Variants in FHL2 observed in about 807,000 individuals in gnomAD.
FHL2 encodes four and a half LIM domains protein 2.
Under a neutral mutation model 32.7 loss-of-function variants are expected in FHL2, and 20 were observed. The observed-to-expected ratio is 0.61, with a 90% CI of 0.43 to 0.89. The LOEUF (loss-of-function observed/expected upper bound fraction) is 0.89. Among genes scored for constraint, FHL2 ranks in the 40% least tolerant of loss-of-function variants. The probability of loss-of-function intolerance (pLI) is 0.00; values close to 1 mark genes in which losing one functional copy is unlikely to be tolerated. For missense variants in FHL2, 311 were observed against 358.6 expected (o/e 0.87, Z 1.07); for synonymous variants, 123 against 128.1 (o/e 0.96, Z 0.27).
chr2:105,365,936 G>T (rs1410286111), intron 5 of FHL2, among the ~76,000 whole-genome samples: 2 of 152,178 alleles, frequency 1.3e-5, no homozygotes, highest in Non-Finnish European at 2.9e-5. Context: ...CAGGCATGGT[G>T]GCTCACGCCT....
rs558807352 is a variant in FHL2 at position 105,419,479 on chromosome 2, T to C, written c.-25+18920A>G. On this transcript the variant is annotated intron_variant, in intron 1 of 5. Coordinates refer to the FHL2 transcript ENST00000393352. ...AAAGGAGGACATAAATTTCCCTTTG[T>C]GAAGGTGTTTCTCCTCCCATCTTCC... is the stretch of plus-strand genomic sequence containing the variant. 2.5e-4 allele frequency among the ~76,000 whole-genome samples: 38 copies of C among 152,344 alleles called. 1 individual carries two copies. Among genetic ancestry groups the C allele is most frequent in the African/African-American group, 8.9e-4 (37 of 41,578 alleles).
intron 1 of FHL2, among the ~76,000 whole-genome samples, chr2:105,404,928 G>A (rs769611197): frequency 6.6e-6 from 1 of 152,106 alleles, no homozygotes; most frequent in Non-Finnish European, 1.5e-5. Context: ...CCATGATTCC[G>A]AGTTTCCCAT....
At chr2:105,375,216 A>G (rs1303264678) in intron 3 of FHL2, 1 of 152,156 alleles carries the variant, frequency 6.6e-6, no homozygotes, top group African/African-American at 2.4e-5. Context: ...CTGGAACCAA[A>G]CTAGTTATTT....
intron 3 of FHL2, among the ~76,000 whole-genome samples, chr2:105,382,314 T>C (rs969262248): frequency 2.0e-5 from 3 of 152,218 alleles, no homozygotes; most frequent in Non-Finnish European, 4.4e-5. Context: ...CACCATCTCT[T>C]ACTCATAAGG....
At chr2:105,432,148 A>G in intron 1 of FHL2, among the ~76,000 whole-genome samples, 1 of 152,202 alleles carries the variant, frequency 6.6e-6, no homozygotes, top group East Asian at 1.9e-4. Context: ...GTTTGTAGAC[A>G]TGAAATTGTG....
chr2:105,399,151 G>C (rs1268142799), upstream of FHL2: 11 of 1,364,034 alleles, frequency 8.1e-6, no homozygotes, highest in Non-Finnish European at 1.0e-5. Flanking sequence ...CGTGGGGCGC[G>C]GGGGGCGGGC....
intron 1 of FHL2, among the ~76,000 whole-genome samples, chr2:105,406,745 A>G (rs754626212): frequency 1.3e-5 from 2 of 151,982 alleles, no homozygotes; most frequent in African/African-American, 4.9e-5. Context: ...AATCCTGCGC[A>G]GGAGAGAGTC....
chr2:105,406,159 A>G (rs982682003), intron 1 of FHL2, among the ~76,000 whole-genome samples: 1 of 152,240 alleles, frequency 6.6e-6, no homozygotes, highest in Admixed American at 6.5e-5. Flanking sequence ...CATCCTTGCA[A>G]TAGTAGTTGA....
rs10715306 is a variant in FHL2 at position 105,422,646 on chromosome 2, CAAA to C, written c.-25+15750_-25+15752del. 2.0e-3 allele frequency among the ~76,000 whole-genome samples: 229 copies of C among 113,908 alleles called. 1 individual carries two copies. Among genetic ancestry groups the C allele is most frequent in the African/African-American group, 5.9e-3 (189 of 31,962 alleles). 74.7% of individuals were successfully genotyped at this position (113,908 alleles called of 152,430 possible). A position where few individuals can be genotyped will look rare whatever the true frequency, so the allele number is the denominator to read the frequency against. On this transcript the variant is annotated intron_variant, in intron 1 of 5. Transcript: ENST00000393352. ...TGTGACAGATGTGATTCATCTCTGG[CAAA>C]AAAAAAAAAAAAAAAATGCTCCAGG...
At chr2:105,408,028 T>G (rs1683689180) in intron 1 of FHL2, among the ~76,000 whole-genome samples, 2 of 152,250 alleles carry the variant, frequency 1.3e-5, no homozygotes, top group South Asian at 4.1e-4. Flanking sequence ...ACAAAAATTC[T>G]GTCTCCCACA....
chr2:105,375,369 A>G (rs1681396313), intron 3 of FHL2: 1 of 152,240 alleles, frequency 6.6e-6, no homozygotes, highest in Non-Finnish European at 1.5e-5. Flanking sequence ...TTTGCTTCCT[A>G]GAACATCTGG....
At chr2:105,437,703 TATC>T (rs1684655227) in intron 1 of FHL2, among the ~76,000 whole-genome samples, 1 of 152,230 alleles carries the variant, frequency 6.6e-6, no homozygotes, top group African/African-American at 2.4e-5. Context: ...TGATGTCTAT[TATC>T]ATATATATGG....
intron 4 of FHL2, among the ~76,000 whole-genome samples, chr2:105,371,415 C>G (rs560955777): frequency 6.6e-6 from 1 of 152,026 alleles, no homozygotes; most frequent in Non-Finnish European, 1.5e-5. Flanking sequence ...TTCCAGCCTG[C>G]CGCCCTACGG....
At chr2:105,414,200 G>A (rs957849707) in intron 1 of FHL2, among the ~76,000 whole-genome samples, 3 of 152,162 alleles carry the variant, frequency 2.0e-5, no homozygotes, top group South Asian at 2.1e-4. Flanking sequence ...AAGACACGTG[G>A]AGCTTCTGTT....
At chr2:105,398,626 G>T (rs1309807456) in intron 1 of FHL2, among the ~76,000 whole-genome samples, 1 of 152,188 alleles carries the variant, frequency 6.6e-6, no homozygotes, top group Non-Finnish European at 1.5e-5. Flanking sequence ...ATGAGTCGGT[G>T]GGCTCCTCTG....
intron 1 of FHL2, among the ~76,000 whole-genome samples, chr2:105,434,851 T>C (rs1573415565): frequency 6.6e-6 from 1 of 152,234 alleles, no homozygotes; most frequent in Non-Finnish European, 1.5e-5. Flanking sequence ...CAACCAATCC[T>C]CTCACCTCAG....
At chr2:105,397,010 G>GTTTTTTTTTTTTTTTT (rs35576785) in intron 1 of FHL2, 2 of 108,298 alleles carry the variant, frequency 1.8e-5, no homozygotes, top group Non-Finnish European at 3.4e-5. Flanking sequence ...TATCTAGTCT[G>GTTTTTTTTTTTTTTTT]TTTTTTTTTT....
intron 4 of FHL2, 118 bp from the exon 5 acceptor site, chr2:105,367,857 G>A: frequency 4.2e-6 from 4 of 951,372 alleles, no homozygotes; most frequent in Non-Finnish European, 3.1e-6. Flanking sequence ...AGCCACTTCA[G>A]CTCTTGAAGG....
At chr2:105,381,538 G>C (rs1681886719) in intron 3 of FHL2, among the ~76,000 whole-genome samples, 1 of 152,122 alleles carries the variant, frequency 6.6e-6, no homozygotes, top group African/African-American at 2.4e-5. Flanking sequence ...GTGCACCTCT[G>C]CTGCTATGTC....
Sources: gnomAD v4.1 joint callset for allele counts (sites outside exome capture counted in the v4.1 genomes callset) on GRCh38, gnomAD v4.1.1 for gene constraint, MANE v1.5 for transcripts, NCBI Gene and HGNC (gene_info 2026-07-23, HGNC 2026-07-21) for gene names.